Variants in PLEKHO2 observed in about 807,000 individuals in gnomAD.
PLEKHO2 encodes pleckstrin homology domain containing O2, also known as pleckstrin homology domain-containing family O member 2.
A neutral mutation model predicts 32.7 loss-of-function variants in PLEKHO2; 20 were observed. The ratio of observed to expected loss-of-function variants is 0.61; its 90% CI spans 0.43 to 0.89. The LOEUF is 0.89. Among genes scored for constraint, PLEKHO2 ranks in the 40% least tolerant of loss-of-function variants. PLEKHO2 has a pLI of 0.00. For synonymous variants in PLEKHO2, 247 were observed against 246.3 expected (o/e 1.00, Z -0.03); for missense variants, 568 against 621.2 (o/e 0.91, Z 0.91).
chr15:64,844,041 C>T, intron 1 of PLEKHO2, among the ~76,000 whole-genome samples: 1 of 152,234 alleles, frequency 6.6e-6, no homozygotes, highest in African/African-American at 2.4e-5. Flanking sequence ...TTTCCTCCCA[C>T]TTCTCCCAGT....
intron 1 of PLEKHO2, among the ~76,000 whole-genome samples, 169 bp downstream of exon 1, chr15:64,842,197 A>G (rs2084489175): frequency 6.6e-6 from 1 of 152,214 alleles, no homozygotes; most frequent in Non-Finnish European, 1.5e-5. Flanking sequence ...CATATCGGGG[A>G]CTTCGCAGAC....
chr15:64,858,878 T>A (rs957438801), intron 3 of PLEKHO2, among the ~76,000 whole-genome samples: 3 of 152,122 alleles, frequency 2.0e-5, no homozygotes, highest in African/African-American at 7.2e-5. Flanking sequence ...CACATAACTC[T>A]CCATCGTGTA....
chr15:64,844,502 C>A (rs902816567), intron 1 of PLEKHO2, among the ~76,000 whole-genome samples: 7 of 152,160 alleles, frequency 4.6e-5, no homozygotes, highest in African/African-American at 1.7e-4. Flanking sequence ...CTAGGCTTTC[C>A]CTTCTGTACT....
intron 4 of PLEKHO2, among the ~76,000 whole-genome samples, chr15:64,860,245 G>A (rs1283072052): frequency 6.6e-6 from 1 of 152,388 alleles, no homozygotes; most frequent in Admixed American, 6.5e-5. Context: ...AAGCAGATAA[G>A]TGGTGGGCTG....
At chr15:64,855,170 A>C (rs2084598786) in intron 3 of PLEKHO2, 133 bp downstream of exon 3, 1 of 669,820 alleles carries the variant, frequency 1.5e-6, no homozygotes, top group African/African-American at 1.8e-5. Context: ...GCTCAGCCCT[A>C]GCAGCCACCA....
Position 64,865,350 on chromosome 15 carries a change from C to G in PLEKHO2, c.935C>G (p.Pro312Arg), listed in dbSNP as rs756610828. 7 of 1,613,824 alleles carry G rather than the reference C, an allele frequency of 4.3e-6. No homozygotes were observed. The highest frequency in any genetic ancestry group is 5.9e-6 in the Non-Finnish European group (7 of 1,179,814). ...APREGGKPPT[P>R]PPKILSEKLK... ...AGGGAGGGTGGGAAGCCCCCTACACCCCCACCCAAGATCTTATCAGAGAAA... is the reference window on the plus strand; with the variant it reads ...AGGGAGGGTGGGAAGCCCCCTACACGCCCACCCAAGATCTTATCAGAGAAA... The change falls in exon 6 of 6, where the codon CCC (proline) becomes CGC (arginine). Residue 312 changes from proline to arginine, a missense_variant. Physicochemically the swap from Pro to Arg is moderately radical, Grantham distance 103. Coordinates refer to ENST00000323544, the MANE Select transcript of PLEKHO2 (RefSeq NM_025201.5).
chr15:64,857,720 AT>A (rs1280387616), intron 3 of PLEKHO2, among the ~76,000 whole-genome samples: 1 of 152,006 alleles, frequency 6.6e-6, no homozygotes, highest in Non-Finnish European at 1.5e-5. Flanking sequence ...CTCTGAGGCC[AT>A]TTCTGCTTCT....
Position 64,865,450 on chromosome 15 carries a change from C to T in PLEKHO2, c.1035C>T (p.Gly345=), listed in dbSNP as rs768131001. The part of the protein sequence containing the change: ...APGTVQVSVN[G]MDDSPEPAKP... ...GCACAGTGCAGGTCTCAGTGAATGGCATGGATGACAGTCCTGAGCCTGCCA... is the reference window on the plus strand; with the variant it reads ...GCACAGTGCAGGTCTCAGTGAATGGTATGGATGACAGTCCTGAGCCTGCCA... Residue 345 remains glycine (G), a synonymous_variant, in exon 6 of 6, where the codon GGC becomes GGT. Transcript: ENST00000323544. 1.9e-6 allele frequency: 3 copies of T among 1,614,062 alleles called. No individual in the cohort carries two copies. Among genetic ancestry groups the T allele is most frequent in the South Asian group, 1.1e-5 (1 of 91,088 alleles).
chr15:64,853,081 G>A (rs546554354), intron 2 of PLEKHO2, among the ~76,000 whole-genome samples: 41 of 150,566 alleles, frequency 2.7e-4, no homozygotes, highest in African/African-American at 9.7e-4. Flanking sequence ...AGAGGTTGCA[G>A]TGAGCCGATA....
chr15:64,850,476 T>C (rs559083203), intron 2 of PLEKHO2, among the ~76,000 whole-genome samples: 20 of 152,358 alleles, frequency 1.3e-4, no homozygotes, highest in African/African-American at 4.6e-4. Context: ...GATTCTGGCC[T>C]AAATAAAATC....
chr15:64,851,317 A>G (rs2084566837), intron 2 of PLEKHO2, among the ~76,000 whole-genome samples: 1 of 152,158 alleles, frequency 6.6e-6, no homozygotes, highest in African/African-American at 2.4e-5. Flanking sequence ...GATTTAAGTA[A>G]CAGGCTTCAG....
chr15:64,860,016 G>T lies in PLEKHO2; in HGVS notation c.384+18G>T, dbSNP rs1404476484. The stretch of plus-strand genomic sequence containing the variant: ...TCGATGAGGTGCGATGCAGTCTGTG[G>T]ACATGGACAGCTCTGTGTCTCCTTT... On this transcript the variant is annotated intron_variant, in intron 4 of 5. Coordinates refer to ENST00000323544, the MANE Select transcript of PLEKHO2 (RefSeq NM_025201.5). 6.2e-7 allele frequency: 1 copy of T among 1,601,834 alleles called. No individual in the cohort carries two copies.
At chr15:64,858,594 C>G (rs184231564) in intron 3 of PLEKHO2, among the ~76,000 whole-genome samples, 1 of 152,272 alleles carries the variant, frequency 6.6e-6, no homozygotes, top group East Asian at 1.9e-4. Flanking sequence ...TTTAATTTCC[C>G]CATCATTGCT....
At chr15:64,862,377 G>A (rs929746857) in intron 5 of PLEKHO2, among the ~76,000 whole-genome samples, 1 of 151,906 alleles carries the variant, frequency 6.6e-6, no homozygotes, top group African/African-American at 2.4e-5. Flanking sequence ...GAGCCACCTG[G>A]GCTTGTGATT....
At chr15:64,858,190 A>T (rs1027435599) in intron 3 of PLEKHO2, among the ~76,000 whole-genome samples, 7 of 152,128 alleles carry the variant, frequency 4.6e-5, no homozygotes, top group Admixed American at 3.9e-4. Context: ...TTAACTGAAG[A>T]TCTGCTTCCA....
intron 1 of PLEKHO2, 45 bp downstream of exon 1, chr15:64,842,073 C>T: frequency 8.1e-7 from 1 of 1,232,126 alleles, no homozygotes; most frequent in African/African-American, 1.6e-5. Flanking sequence ...GTCCTCGAGC[C>T]CCTCACGGGG....
rs1216994730 is a variant in PLEKHO2 at position 64,867,041 on chromosome 15, C to G, written c.*1153C>G. The G allele has an allele frequency of 6.5e-6, 1 of 152,960 alleles. No homozygotes were observed. Among genetic ancestry groups the G allele is most frequent in the Non-Finnish European group, 1.5e-5 (1 of 68,284 alleles). 9.5% of individuals were successfully genotyped at this position (152,960 alleles called of 1,614,324 possible). A position where few individuals can be genotyped will look rare whatever the true frequency, so the allele number is the denominator to read the frequency against. ...CCTCTCCCCCACATTGTCCCTGACT[C>G]TAGGGGCACATCCAGTCTCCATCGT... On this transcript the variant is annotated 3_prime_UTR_variant, in exon 6 of 6. Transcript: ENST00000323544.
chr15:64,867,440 C>G lies in PLEKHO2; in HGVS notation c.*1552C>G, dbSNP rs575657062. 1.1e-3 allele frequency: 168 copies of G among 152,484 alleles called. 1 individual carries two copies. Among genetic ancestry groups the G allele is most frequent in the African/African-American group, 3.9e-3 (164 of 41,556 alleles). The allele number at this position is 152,484 out of a possible 1,614,324, so 9.4% of individuals were successfully genotyped here. A position where few individuals can be genotyped will look rare whatever the true frequency, so the allele number is the denominator to read the frequency against. On this transcript the variant is annotated 3_prime_UTR_variant, in exon 6 of 6. Transcript: ENST00000323544. ...CACTGGTTCGGGAGCCCCCATCAGCCTCCTTGTGCAAACTGGGCCCCCATG... is the reference window on the plus strand; with the variant it reads ...CACTGGTTCGGGAGCCCCCATCAGCGTCCTTGTGCAAACTGGGCCCCCATG...
intron 2 of PLEKHO2, among the ~76,000 whole-genome samples, chr15:64,853,164 C>T (rs543671911): frequency 4.0e-5 from 6 of 151,692 alleles, no homozygotes; most frequent in African/African-American, 9.7e-5. Flanking sequence ...AAAAAAAATT[C>T]GCATCCATCA....
Sources: gnomAD v4.1 joint callset for allele counts (sites outside exome capture counted in the v4.1 genomes callset) on GRCh38, gnomAD v4.1.1 for gene constraint, MANE v1.5 for transcripts, NCBI Gene and HGNC (gene_info 2026-07-23, HGNC 2026-07-21) for gene names.